AHNAK: variants seen among roughly 807,000 people sequenced by gnomAD.
The protein encoded by AHNAK is AHNAK nucleoprotein, also known as neuroblast differentiation-associated protein AHNAK.
A neutral mutation model predicts 37.8 loss-of-function variants in AHNAK; 23 were observed. That is an observed-to-expected ratio of 0.61 (90% CI 0.44 to 0.86). The LOEUF (loss-of-function observed/expected upper bound fraction) is 0.86, where lower values mean the gene tolerates loss of function less well. Among genes scored for constraint, AHNAK ranks in the 40% least tolerant of loss-of-function variants. The pLI, the probability that AHNAK is intolerant of heterozygous loss-of-function variation, is 0.00. For missense variants in AHNAK, 7,411 were observed against 7,319.4 expected, an observed-to-expected ratio of 1.01 and a Z score of -0.46; for synonymous variants, 2,481 against 2,636.3, an observed-to-expected ratio of 0.94 and a Z score of 1.80.
At chr11:62,454,117 A>G (rs544074994) in intron 5 of AHNAK, among the ~76,000 whole-genome samples, 34 of 149,790 alleles carry the variant, frequency 2.3e-4, no homozygotes, top group Middle Eastern at 3.6e-3. Context: ...AAAAAAAAAA[A>G]AAAGAAAGAA....
rs1369270951 is a variant in AHNAK, at chr11:62,535,112, C to T, written c.233G>A (p.Gly78Glu). 1.9e-6 allele frequency: 3 copies of T among 1,613,940 alleles called. No homozygotes were observed. The highest frequency in any genetic ancestry group is 2.2e-5 in the South Asian group (2 of 91,072). ...GEVTQLLNTM[G>E]HHTVGLKLHR... ...CAGCTTCAGGCCCACCGTGTGGTGC[C>T]CCATGGTGTTCAGCAGCTGGGTCAC... is the stretch of plus-strand genomic sequence containing the variant. Residue 78 changes from glycine (G) to glutamate (E), a missense_variant, in exon 4 of 5, where the codon GGG becomes GAG. By Grantham distance (98) the Gly-to-Glu change is moderately conservative. Coordinates refer to ENST00000378024, the MANE Select transcript of AHNAK (RefSeq NM_001620.3).
At chr11:62,474,029 A>G (rs532215813) in intron 5 of AHNAK, among the ~76,000 whole-genome samples, 7 of 152,200 alleles carry the variant, frequency 4.6e-5, no homozygotes, top group African/African-American at 1.7e-4. Flanking sequence ...GTGAGGTGAC[A>G]GACATGTTAA....
At chr11:62,513,167 T>C (rs964106532), downstream of AHNAK, among the ~76,000 whole-genome samples, 1 of 152,194 alleles carries the variant, frequency 6.6e-6, no homozygotes, top group African/African-American at 2.4e-5. Context: ...CCCAGTCTCC[T>C]GACGCTGCTC....
At chr11:62,439,080 A>G (rs1048873166) in intron 5 of AHNAK, among the ~76,000 whole-genome samples, 26 of 140,630 alleles carry the variant, frequency 1.8e-4, no homozygotes, top group African/African-American at 5.6e-4. Flanking sequence ...CATCCCTCTC[A>G]GTTTCCCTAT....
Position 62,529,309 on chromosome 11 carries a change from A to G in AHNAK, c.5108T>C (p.Val1703Ala), listed in dbSNP as rs764296332. The G allele has an allele frequency of 1.2e-6, 2 of 1,613,876 alleles. No homozygotes were observed. The highest frequency in any genetic ancestry group is 8.5e-7 in the Non-Finnish European group (1 of 1,179,964). The change falls in exon 5 of 5, where the codon GTT becomes GCT. Residue 1703 changes from valine (V) to alanine (A), a missense_variant. Val to Ala is a moderately conservative substitution (Grantham distance 64, BLOSUM62 0). Transcript: ENST00000378024. ...TTTCAGGTGCCAATCTGGGTCGTGA[A>G]CCTCCACATCTGGGGCATCAATGTC... The part of the protein sequence containing the change: ...KVDIDAPDVE[V>A]HDPDWHLKMP...
Position 62,525,031 on chromosome 11 carries a change from C to T in AHNAK, c.9386G>A (p.Gly3129Asp). ...TGGGGCATTAATATCCACTTTGGGG[C>T]CTTTAATATCCACGTCAGGAACTTT... ...DMKVPDVDIK[G>D]PKVDINAPDV... The change falls in exon 5 of 5, where the codon GGC (glycine) becomes GAC (aspartate). Residue 3129 changes from glycine (G) to aspartate (D), a missense_variant. Coordinates refer to ENST00000378024, the MANE Select transcript of AHNAK (RefSeq NM_001620.3). The T allele has an allele frequency of 1.2e-6, 2 of 1,613,626 alleles. No individual in the cohort carries two copies. The highest frequency in any genetic ancestry group is 2.2e-5 in the South Asian group (2 of 91,042).
At position 62,526,201 on chromosome 11, in the gene AHNAK, G is replaced by T. The variant is rs752190599; in HGVS notation, c.8216C>A (p.Pro2739Gln). The change falls in exon 5 of 5, where the codon CCA becomes CAA. Residue 2739 changes from proline (P) to glutamine (Q), a missense_variant. Pro to Gln is a moderately conservative substitution (Grantham distance 76). Transcript: ENST00000378024. Reference sequence around the variant, plus strand: ...TTTTGGGCCCTTGATGTCAACTTCTGGGCCCTTGAGGTCACCTTCCACTTT... The same window carrying T: ...TTTTGGGCCCTTGATGTCAACTTCTTGGCCCTTGAGGTCACCTTCCACTTT... ...LPKVEGDLKG[P>Q]EVDIKGPKVD... 1 of 1,613,776 alleles carries T rather than the reference G, an allele frequency of 6.2e-7. No homozygotes were observed. Among genetic ancestry groups the T allele is most frequent in the Admixed American group, 1.7e-5 (1 of 59,974 alleles).
intron 5 of AHNAK, among the ~76,000 whole-genome samples, chr11:62,486,689 A>G (rs1304139203): frequency 6.6e-6 from 1 of 152,082 alleles, no homozygotes; most frequent in East Asian, 1.9e-4. Flanking sequence ...GATGTACTGT[A>G]TACCACTGAG....
At position 62,517,854 on chromosome 11, in the gene AHNAK, A is replaced by C; in HGVS notation, c.16563T>G (p.Pro5521=). The change falls in exon 5 of 5, where the codon CCT becomes CCG. Residue 5521 remains proline, a synonymous_variant. Coordinates refer to ENST00000378024, the MANE Select transcript of AHNAK (RefSeq NM_001620.3). ...AACCTTTCAGACCACCTTTGATTTCAGGCCCAGAAATCTGCCCAGTTGGGA... is the reference window on the plus strand; with the variant it reads ...AACCTTTCAGACCACCTTTGATTTCCGGCCCAGAAATCTGCCCAGTTGGGA... The part of the protein sequence containing the change: ...VKLPTGQISG[P]EIKGGLKGSE... The C allele has an allele frequency of 6.2e-7, 1 of 1,614,188 alleles. No individual in the cohort carries two copies. Among genetic ancestry groups the C allele is most frequent in the Non-Finnish European group, 8.5e-7 (1 of 1,180,008 alleles).
rs1399120337 is a variant in AHNAK at position 62,526,789 on chromosome 11, C to A, written c.7628G>T (p.Gly2543Val). The A allele has an allele frequency of 3.1e-6, 5 of 1,614,010 alleles. No homozygotes were observed. The highest frequency in any genetic ancestry group is 4.2e-6 in the Non-Finnish European group (5 of 1,180,018). The change falls in exon 5 of 5, where the codon GGA becomes GTA. Residue 2543 changes from glycine to valine, a missense_variant. Transcript: ENST00000378024. ...AGGGCCTTCAATGTCCACCTTGGGT[C>A]CTGAGATGTCAACGTCAGCCTTAGG... ...NLPKADVDIS[G>V]PKVDIEGPDV...
In AHNAK at chr11:62,516,717, A is replaced by G. The variant is rs1459917868; in HGVS notation, c.*27T>C. The stretch of plus-strand genomic sequence containing the variant: ...AAGGCTGATGTTTTGTTATATATAT[A>G]TATATGTACACACATACAAAGGCCT... On this transcript the variant is annotated 3_prime_UTR_variant, in exon 5 of 5. Coordinates refer to ENST00000378024, the MANE Select transcript of AHNAK (RefSeq NM_001620.3). 3.8e-6 allele frequency: 6 copies of G among 1,566,842 alleles called. No individual in the cohort carries two copies. The highest frequency in any genetic ancestry group is 1.4e-5 in the African/African-American group (1 of 72,794).
exon 6 of AHNAK, chr11:62,433,697 G>A (rs554980595): frequency 7.2e-5 from 50 of 692,080 alleles, no homozygotes; most frequent in South Asian, 6.5e-4. Flanking sequence ...AGCAGCCCTC[G>A]GTCTGGCCTG....
In AHNAK at chr11:62,529,431, C is replaced by CA. The variant is rs1940640363; in HGVS notation, c.4985dup (p.Leu1662PhefsTer20). On this transcript the variant is annotated frameshift_variant, in exon 5 of 5. Transcript: ENST00000378024. LOFTEE classifies it low-confidence loss of function (END_TRUNC). ...TATCCCCTTTGACTTTGGGGCCTTT[C>CA]AAGTGTAAGTCCACATCGGGCATGG... The CA allele has an allele frequency of 6.2e-7, 1 of 1,613,900 alleles. No individual in the cohort carries two copies. Among genetic ancestry groups the CA allele is most frequent in the African/African-American group, 1.3e-5 (1 of 74,860 alleles).
rs1205899689 is a variant in AHNAK at position 62,523,665 on chromosome 11, C to G, written c.10752G>C (p.Val3584=). ...CATCCACATCTGGGGCATTGATGTC[C>G]ACTTTAGGGCCTTTGATATCAACCT... ...GPEVDIKGPK[V]DINAPDVDVH... Residue 3584 remains valine, a synonymous_variant, in exon 5 of 5, where the codon GTG becomes GTC. Coordinates refer to ENST00000378024, the MANE Select transcript of AHNAK (RefSeq NM_001620.3). 1 of 1,613,394 alleles carries G rather than the reference C, an allele frequency of 6.2e-7. No individual in the cohort carries two copies. The highest frequency in any genetic ancestry group is 1.7e-5 in the Admixed American group (1 of 59,944).
intron 5 of AHNAK, among the ~76,000 whole-genome samples, chr11:62,474,420 G>A (rs980570397): frequency 3.3e-5 from 5 of 152,000 alleles, no homozygotes; most frequent in East Asian, 1.9e-4. Context: ...TGCTGACCTC[G>A]TGATCTGCCC....
intron 5 of AHNAK, among the ~76,000 whole-genome samples, chr11:62,440,478 A>C (rs961663556): frequency 6.6e-6 from 1 of 152,092 alleles, no homozygotes; most frequent in African/African-American, 2.4e-5. Context: ...GGAACGGCAG[A>C]CACAGATCCC....
chr11:62,483,473 T>C (rs1939318162), intron 5 of AHNAK, among the ~76,000 whole-genome samples: 1 of 152,096 alleles, frequency 6.6e-6, no homozygotes, highest in South Asian at 2.1e-4. Context: ...GCGCCTGTAA[T>C]CCCAGCACTC....
At position 62,531,241 on chromosome 11, in the gene AHNAK, T is replaced by C; in HGVS notation, c.3176A>G (p.Glu1059Gly). 6.2e-7 allele frequency: 1 copy of C among 1,614,058 alleles called. No individual in the cohort carries two copies. Among genetic ancestry groups the C allele is most frequent in the Non-Finnish European group, 8.5e-7 (1 of 1,179,970 alleles). Residue 1059 changes from glutamate (E) to glycine (G), a missense_variant, in exon 5 of 5, where the codon GAG becomes GGG. Glu to Gly is a moderately conservative substitution (Grantham distance 98, BLOSUM62 -2). Transcript: ENST00000378024. ...CATCTTAGGAGCTCTGAAGTGCATC[T>C]CAGGCATCTTAAACTTCGGGCCTTT... ...KLKGPKFKMPEMHFRAPKMSL... is the reference protein window; with the variant it reads ...KLKGPKFKMPGMHFRAPKMSL...
chr11:62,436,579 T>G (rs1436118227), intron 5 of AHNAK, among the ~76,000 whole-genome samples: 1 of 150,952 alleles, frequency 6.6e-6, no homozygotes. Context: ...GGGTGCTCCA[T>G]AAATTATTAT....
Sources: gnomAD v4.1 joint callset for allele counts (sites outside exome capture counted in the v4.1 genomes callset) on GRCh38, gnomAD v4.1.1 for gene constraint, MANE v1.5 for transcripts, NCBI Gene and HGNC (gene_info 2026-07-23, HGNC 2026-07-21) for gene names.